Variants in TCP11L2 observed in about 807,000 individuals in gnomAD.
The protein encoded by TCP11L2 is T-complex protein 11-like protein 2.
Under a neutral mutation model 50.7 loss-of-function variants are expected in TCP11L2, and 39 were observed. The ratio of observed to expected loss-of-function variants is 0.77; its 90% confidence interval spans 0.60 to 1.01. The LOEUF is 1.01. Among genes scored for constraint, TCP11L2 ranks in the 50% least tolerant of loss-of-function variants. The pLI is 0.00. For synonymous variants in TCP11L2, 192 were observed against 219.3 expected, an observed-to-expected ratio of 0.88 and a Z score of 1.10; for missense variants, 612 against 614.7, an observed-to-expected ratio of 1.00 and a Z score of 0.05.
intron 4 of TCP11L2, among the ~76,000 whole-genome samples, chr12:106,318,896 A>AT (rs1181792658): frequency 8.1e-4 from 69 of 85,474 alleles, no homozygotes; most frequent in Admixed American, 2.2e-3. Context: ...ATTTTATTTT[A>AT]TTTTTTTTTT....
At chr12:106,346,050 A>C (rs1197125020) in intron 9 of TCP11L2, among the ~76,000 whole-genome samples, 1 of 152,164 alleles carries the variant, frequency 6.6e-6, no homozygotes. Flanking sequence ...TTTCCACCGC[A>C]TTCTGTATTG....
chr12:106,301,229 A>G (rs1592914238), upstream of TCP11L2, among the ~76,000 whole-genome samples: 2 of 152,210 alleles, frequency 1.3e-5, no homozygotes, highest in Non-Finnish European at 2.9e-5. Context: ...AACCTGTATT[A>G]TTAGGTTGTA....
chr12:106,337,324 C>T (rs2035952869), intron 8 of TCP11L2, among the ~76,000 whole-genome samples: 1 of 152,180 alleles, frequency 6.6e-6, no homozygotes, highest in Non-Finnish European at 1.5e-5. Context: ...TCATTTTGAA[C>T]TGAAGCTTAC....
intron 1 of TCP11L2, among the ~76,000 whole-genome samples, chr12:106,310,285 C>T (rs1339362039): frequency 6.6e-6 from 1 of 152,210 alleles, no homozygotes; most frequent in Non-Finnish European, 1.5e-5. Flanking sequence ...ATCCTACATG[C>T]TTGTGCACTC....
Position 106,335,733 on chromosome 12 carries a change from T to G in TCP11L2, c.867T>G (p.Asn289Lys). 1 of 1,614,172 alleles carries G rather than the reference T, an allele frequency of 6.2e-7. No individual in the cohort carries two copies. The highest frequency in any genetic ancestry group is 1.1e-5 in the South Asian group (1 of 91,078). Residue 289 changes from asparagine to lysine, a missense_variant, in exon 7 of 10, where the codon AAT (asparagine) becomes AAG (lysine). Transcript: ENST00000299045. ...GTGCTTTAACTCCTGGGGCCGAAAA[T>G]ACCTCCAAGCCAAGCCTGAGCCCTA... ...SESALTPGAENTSKPSLSPTL... is the reference protein window; with the variant it reads ...SESALTPGAEKTSKPSLSPTL...
upstream of TCP11L2, among the ~76,000 whole-genome samples, chr12:106,298,907 T>C (rs754514146): frequency 4.6e-5 from 7 of 151,406 alleles, no homozygotes; most frequent in Non-Finnish European, 7.4e-5. Flanking sequence ...AACCTCTGCC[T>C]CCTGGGTTCA....
At chr12:106,309,507 G>A (rs1263296157) in intron 1 of TCP11L2, among the ~76,000 whole-genome samples, 10 of 151,880 alleles carry the variant, frequency 6.6e-5, no homozygotes, top group African/African-American at 1.7e-4. Flanking sequence ...GAGGCAAGGC[G>A]CAAATGACCT....
intron 4 of TCP11L2, among the ~76,000 whole-genome samples, chr12:106,319,131 T>TA: frequency 6.6e-6 from 1 of 152,270 alleles, no homozygotes; most frequent in African/African-American, 2.4e-5. Context: ...CAGGATGGTC[T>TA]CGATCTCCTG....
chr12:106,309,238 G>A (rs1592927695), intron 1 of TCP11L2, among the ~76,000 whole-genome samples: 2 of 152,328 alleles, frequency 1.3e-5, no homozygotes, highest in East Asian at 1.9e-4. Flanking sequence ...GCCTTCCCCT[G>A]AGCAGATTGG....
intron 6 of TCP11L2, chr12:106,329,671 T>A: frequency 8.4e-7 from 1 of 1,183,926 alleles, no homozygotes; most frequent in Non-Finnish European, 1.0e-6. Flanking sequence ...TGCCACACTG[T>A]TGCTTTTGTT....
chr12:106,322,611 G>A (rs1380321875), intron 5 of TCP11L2, among the ~76,000 whole-genome samples: 6 of 152,180 alleles, frequency 3.9e-5, no homozygotes, highest in South Asian at 2.1e-4. Flanking sequence ...AGAAGAGTCT[G>A]CAACACTTTT....
rs2035566408 is a variant in TCP11L2, at chr12:106,326,885, C to G, written c.772+3239C>G. On this transcript the variant is annotated intron_variant, in intron 6 of 9. Coordinates refer to ENST00000299045, the MANE Select transcript of TCP11L2 (RefSeq NM_152772.3). ...TAAGTTTTGTTCTATAACAAAAACT[C>G]TATGACTCCAAGGGCTATGTTGTTT... 2.6e-5 allele frequency among the ~76,000 whole-genome samples: 4 copies of G among 152,186 alleles called. No individual in the cohort carries two copies. The South Asian group carries it at 8.3e-4, about 32-fold the overall frequency.
intron 1 of TCP11L2, chr12:106,303,937 C>G (rs1342317902): frequency 6.6e-6 from 1 of 152,230 alleles, no homozygotes; most frequent in African/African-American, 2.4e-5. Flanking sequence ...AGAAACTGGA[C>G]AAGTTGTCCT....
At chr12:106,299,186 C>G (rs1465931943), upstream of TCP11L2, among the ~76,000 whole-genome samples, 1 of 151,996 alleles carries the variant, frequency 6.6e-6, no homozygotes, top group East Asian at 1.9e-4. Flanking sequence ...GGGTTAGGCT[C>G]TTAAGGAAGA....
At chr12:106,334,434 T>C (rs1279519324) in intron 6 of TCP11L2, among the ~76,000 whole-genome samples, 2 of 152,186 alleles carry the variant, frequency 1.3e-5, no homozygotes, top group Non-Finnish European at 2.9e-5. Context: ...ACTCCTTTCC[T>C]ATTCTCTACA....
chr12:106,306,539 G>A (rs1408294658), intron 1 of TCP11L2, among the ~76,000 whole-genome samples: 1 of 151,998 alleles, frequency 6.6e-6, no homozygotes, highest in Non-Finnish European at 1.5e-5. Flanking sequence ...CAGCATTTTT[G>A]CTTCAGTATA....
chr12:106,341,968 C>T (rs1051769563), intron 9 of TCP11L2, among the ~76,000 whole-genome samples: 48 of 152,120 alleles, frequency 3.2e-4, no homozygotes, highest in Admixed American at 5.9e-4. Flanking sequence ...TCAGTTTTCT[C>T]TGTAACACCT....
chr12:106,329,549 C>T (rs1652192468), intron 6 of TCP11L2: 1 of 1,418,950 alleles, frequency 7.0e-7, no homozygotes, highest in Non-Finnish European at 9.2e-7. Context: ...GGCCTGAGCC[C>T]TGCCTCAGAC....
chr12:106,308,543 C>G (rs895547580), intron 1 of TCP11L2, among the ~76,000 whole-genome samples: 1 of 152,122 alleles, frequency 6.6e-6, no homozygotes, highest in Non-Finnish European at 1.5e-5. Flanking sequence ...GGAAAAACAG[C>G]CAGAGCTCAT....
Sources: gnomAD v4.1 joint callset for allele counts (sites outside exome capture counted in the v4.1 genomes callset) on GRCh38, gnomAD v4.1.1 for gene constraint, MANE v1.5 for transcripts, NCBI Gene and HGNC (gene_info 2026-07-23, HGNC 2026-07-21) for gene names.